Variants in LRP1B observed in about 807,000 individuals in gnomAD.
LRP1B encodes the protein LDL receptor related protein 1B, also known as low-density lipoprotein receptor-related protein 1B.
A neutral mutation model predicts 556.6 loss-of-function variants in LRP1B; 217 were observed. That is an observed-to-expected ratio of 0.39 (90% CI 0.35 to 0.44). LRP1B has a LOEUF of 0.44. Among genes scored for constraint, LRP1B ranks in the 20% least tolerant of loss-of-function variants. LRP1B has a pLI of 1.00. For missense variants in LRP1B, 5,053 were observed against 5,620.8 expected, an observed-to-expected ratio of 0.90 and a Z score of 3.23; for synonymous variants, 2,047 against 1,865.8, an observed-to-expected ratio of 1.10 and a Z score of -2.50.
At chr2:141,881,990 C>A (rs1315244795) in intron 1 of LRP1B, among the ~76,000 whole-genome samples, 1 of 152,074 alleles carries the variant, frequency 6.6e-6, no homozygotes, top group Admixed American at 6.6e-5. Context: ...CATCTGTGCT[C>A]AAGTGATCCT....
chr2:141,497,538 G>C (rs917317192), intron 2 of LRP1B, among the ~76,000 whole-genome samples: 9 of 152,014 alleles, frequency 5.9e-5, no homozygotes, highest in African/African-American at 2.2e-4. Context: ...ACATTTGTGT[G>C]AAGTGAGAAC....
chr2:142,060,573 T>G (rs981582152), intron 1 of LRP1B, among the ~76,000 whole-genome samples: 1 of 152,020 alleles, frequency 6.6e-6, no homozygotes, highest in Non-Finnish European at 1.5e-5. Context: ...TTTCATTGTT[T>G]AACACAGGAA....
At chr2:141,756,658 C>A (rs2105582258) in intron 2 of LRP1B, among the ~76,000 whole-genome samples, 1 of 151,812 alleles carries the variant, frequency 6.6e-6, no homozygotes, top group East Asian at 1.9e-4. Context: ...TAGAATACTG[C>A]ATTTTTACTG....
chr2:141,818,233 T>C (rs1287843350), intron 1 of LRP1B, among the ~76,000 whole-genome samples: 1 of 152,164 alleles, frequency 6.6e-6, no homozygotes, highest in Non-Finnish European at 1.5e-5. Flanking sequence ...CTACAGAAAG[T>C]ATTACAAATG....
intron 2 of LRP1B, among the ~76,000 whole-genome samples, chr2:141,700,104 G>A (rs1558813070): frequency 6.6e-6 from 1 of 151,544 alleles, no homozygotes; most frequent in East Asian, 1.9e-4. Flanking sequence ...GTAAACTTCT[G>A]TTCATTAGGC....
At chr2:140,818,583 G>C (rs913013108) in intron 31 of LRP1B, among the ~76,000 whole-genome samples, 1 of 152,268 alleles carries the variant, frequency 6.6e-6, no homozygotes, top group Non-Finnish European at 1.5e-5. Flanking sequence ...TTCACTATTA[G>C]GCTATCTCAA....
intron 2 of LRP1B, among the ~76,000 whole-genome samples, chr2:141,797,146 C>CATAT (rs6146945): frequency 0.08 from 6,236 of 77,770 alleles, 405 homozygotes; most frequent in Non-Finnish European, 0.098. Context: ...TGAAAATAAT[C>CATAT]ATATATATAT....
intron 43 of LRP1B, among the ~76,000 whole-genome samples, chr2:140,571,939 C>T (rs1681338250): frequency 6.6e-6 from 1 of 151,532 alleles, no homozygotes; most frequent in South Asian, 2.1e-4. Flanking sequence ...ACTAGATATC[C>T]ATATGCAGAT....
At position 140,513,119 on chromosome 2, in the gene LRP1B, A is replaced by G. The variant is rs561022002; in HGVS notation, c.8269+1534T>C. Among the ~76,000 whole-genome samples, 135 of 152,244 alleles carry G rather than the reference A, an allele frequency of 8.9e-4. 3 individuals carry two copies. The highest frequency in any genetic ancestry group is 6.0e-3 in the South Asian group (29 of 4,830). ...GAAAAACCTCATAAATATAGTGTAC[A>G]TTGGTTATGTTGGATGATCATATTA... is the stretch of plus-strand genomic sequence containing the variant. On this transcript the variant is annotated intron_variant, in intron 51 of 90. Transcript: ENST00000389484.
chr2:141,188,600 CA>C lies in LRP1B; in HGVS notation c.851-18del. The C allele has an allele frequency of 6.2e-7, 1 of 1,608,854 alleles. No individual in the cohort carries two copies. The highest frequency in any genetic ancestry group is 8.5e-7 in the Non-Finnish European group (1 of 1,176,718). Reference sequence around the variant, plus strand: ...GTTGCACATCTGAAAAACACATACACAAAATCATTGAATCACAGGTGCAATC... The same window carrying C: ...GTTGCACATCTGAAAAACACATACACAAATCATTGAATCACAGGTGCAATC... On this transcript the variant is annotated intron_variant, in intron 6 of 90. Coordinates refer to ENST00000389484, the MANE Select transcript of LRP1B (RefSeq NM_018557.3).
At chr2:141,184,666 C>T (rs7424161) in intron 7 of LRP1B, among the ~76,000 whole-genome samples, 70,893 of 150,292 alleles carry the variant, frequency 0.47, 18,206 homozygotes, top group Middle Eastern at 0.64. Flanking sequence ...TCCTATGTCA[C>T]GTCAAACTTG....
intron 79 of LRP1B, among the ~76,000 whole-genome samples, chr2:140,330,848 C>T (rs562320583): frequency 6.6e-6 from 1 of 152,080 alleles, no homozygotes; most frequent in East Asian, 1.9e-4. Flanking sequence ...TCAGAATCTA[C>T]AAGGAACTTA....
chr2:141,752,196 G>A (rs1252982121), intron 2 of LRP1B, among the ~76,000 whole-genome samples: 2 of 152,040 alleles, frequency 1.3e-5, no homozygotes, highest in Non-Finnish European at 2.9e-5. Flanking sequence ...ATCTATAAAT[G>A]TCTTTATGCA....
At chr2:141,411,349 A>G (rs767904017) in intron 3 of LRP1B, among the ~76,000 whole-genome samples, 2 of 151,988 alleles carry the variant, frequency 1.3e-5, no homozygotes, top group African/African-American at 2.4e-5. Context: ...AATACCTCCA[A>G]TGTTTGTTCT....
intron 2 of LRP1B, among the ~76,000 whole-genome samples, chr2:141,615,734 A>G (rs1688272282): frequency 6.6e-6 from 1 of 152,188 alleles, no homozygotes; most frequent in South Asian, 2.1e-4. Context: ...AAGAACATTT[A>G]AAAGTTTCAG....
intron 2 of LRP1B, among the ~76,000 whole-genome samples, chr2:141,789,835 C>A (rs1179187862): frequency 2.0e-5 from 3 of 151,914 alleles, no homozygotes; most frequent in African/African-American, 7.3e-5. Flanking sequence ...AGTTTCCCTC[C>A]GATCTTCCTC....
chr2:141,952,185 C>T (rs892568450), intron 1 of LRP1B, among the ~76,000 whole-genome samples: 8 of 151,482 alleles, frequency 5.3e-5, no homozygotes, highest in Non-Finnish European at 8.8e-5. Flanking sequence ...TGAATTCATC[C>T]TTTTTTTATG....
intron 2 of LRP1B, among the ~76,000 whole-genome samples, chr2:141,526,993 A>G (rs1399482584): frequency 6.6e-6 from 1 of 152,110 alleles, no homozygotes; most frequent in Non-Finnish European, 1.5e-5. Context: ...CAAGACTGAC[A>G]GTGAATTATA....
intron 82 of LRP1B, among the ~76,000 whole-genome samples, chr2:140,320,022 T>C (rs1188551296): frequency 6.6e-6 from 1 of 152,160 alleles, no homozygotes; most frequent in Non-Finnish European, 1.5e-5. Flanking sequence ...TTATTTCCTT[T>C]ACCCACCATA....
Sources: gnomAD v4.1 joint callset for allele counts (sites outside exome capture counted in the v4.1 genomes callset) on GRCh38, gnomAD v4.1.1 for gene constraint, MANE v1.5 for transcripts, NCBI Gene and HGNC (gene_info 2026-07-23, HGNC 2026-07-21) for gene names.